Variants in FSTL5 observed in about 807,000 individuals in gnomAD.
FSTL5 encodes the protein follistatin like 5.
In FSTL5, 62 loss-of-function variants were observed where a neutral mutation model predicts 89.1. The observed-to-expected ratio is 0.70, with a 90% CI of 0.57 to 0.86. FSTL5 has a LOEUF of 0.86. Ranked by LOEUF, FSTL5 falls within the 40% of genes least tolerant of loss-of-function variation. The pLI is 0.00. For missense variants in FSTL5, 1,057 were observed against 1,001.6 expected (o/e 1.06, Z -0.75); for synonymous variants, 383 against 346.2 (o/e 1.11, Z -1.18).
intron 7 of FSTL5, among the ~76,000 whole-genome samples, chr4:161,639,476 TA>T (rs1735867541): frequency 1.3e-5 from 2 of 152,246 alleles, no homozygotes; most frequent in South Asian, 4.2e-4. Flanking sequence ...GAAGATAAGC[TA>T]CAAAAACATA....
intron 4 of FSTL5, among the ~76,000 whole-genome samples, chr4:161,779,803 A>ATG (rs1560841008): frequency 0.032 from 1,721 of 53,984 alleles, 103 homozygotes; most frequent in South Asian, 0.052. Context: ...ATATATATAT[A>ATG]TATATATGTA....
At chr4:161,810,257 G>A (rs1730096832) in intron 4 of FSTL5, among the ~76,000 whole-genome samples, 1 of 152,074 alleles carries the variant, frequency 6.6e-6, no homozygotes, top group African/African-American at 2.4e-5. Flanking sequence ...TAATATCTAT[G>A]AAGTATATAG....
At chr4:162,020,155 T>A (rs764213538) in intron 3 of FSTL5, among the ~76,000 whole-genome samples, 1 of 151,694 alleles carries the variant, frequency 6.6e-6, no homozygotes, top group Non-Finnish European at 1.5e-5. Flanking sequence ...AATGAAAAAA[T>A]ATATGATTAT....
chr4:162,065,439 T>C (rs1386608158), intron 2 of FSTL5, among the ~76,000 whole-genome samples: 5 of 151,844 alleles, frequency 3.3e-5, no homozygotes, highest in Admixed American at 3.3e-4. Context: ...AAATAGCCAA[T>C]AGATATATGA....
intron 6 of FSTL5, among the ~76,000 whole-genome samples, chr4:161,715,107 C>T (rs1384033089): frequency 6.6e-6 from 1 of 151,916 alleles, no homozygotes; most frequent in Non-Finnish European, 1.5e-5. Context: ...TGATGAGAAA[C>T]ACATGTTTTA....
In FSTL5 at chr4:161,721,681, T is replaced by G. The variant is rs112751763; in HGVS notation, c.727+37730A>C. ...TGCAAGGCATCCAGGGATCAAATTT[T>G]GAAAACCTTGACCTCATGGGCTAGG... On this transcript the variant is annotated intron_variant, in intron 6 of 15. Coordinates refer to ENST00000306100, the MANE Select transcript of FSTL5 (RefSeq NM_020116.5). Among the ~76,000 whole-genome samples, 1,150 of 152,286 alleles carry G rather than the reference T, an allele frequency of 7.6e-3. 13 individuals are homozygous for G. The highest frequency in any genetic ancestry group is 0.025 in the African/African-American group (1,048 of 41,552).
intron 6 of FSTL5, among the ~76,000 whole-genome samples, chr4:161,674,325 G>A (rs571848525): frequency 6.6e-6 from 1 of 151,596 alleles, no homozygotes; most frequent in Non-Finnish European, 1.5e-5. Flanking sequence ...AGAAATGAGG[G>A]GGAAAAAAAG....
chr4:161,389,980 A>G (rs928115026), intron 15 of FSTL5, among the ~76,000 whole-genome samples: 9 of 152,188 alleles, frequency 5.9e-5, no homozygotes, highest in African/African-American at 1.7e-4. Flanking sequence ...CTTTCCATTC[A>G]TGTATATTAG....
chr4:162,083,490 T>C (rs1291813196), intron 2 of FSTL5, among the ~76,000 whole-genome samples: 1 of 151,644 alleles, frequency 6.6e-6, no homozygotes, highest in Non-Finnish European at 1.5e-5. Flanking sequence ...CGTTTTTCAT[T>C]AAAAAAGTTT....
rs118122742 is a variant in FSTL5 at position 162,063,224 on chromosome 4, T to G, written c.127-29566A>C. 1.8e-4 allele frequency among the ~76,000 whole-genome samples: 27 copies of G among 152,002 alleles called. No homozygotes were observed. The East Asian group carries it at 5.0e-3, about 28-fold the overall frequency. Reference sequence around the variant, plus strand: ...CCCTCTTCCCCTTTTTTCTCATCTGTGAAATTCTAAACTATTTTTGAAGTA... The same window carrying G: ...CCCTCTTCCCCTTTTTTCTCATCTGGGAAATTCTAAACTATTTTTGAAGTA... On this transcript the variant is annotated intron_variant, in intron 2 of 15. Coordinates refer to ENST00000306100, the MANE Select transcript of FSTL5 (RefSeq NM_020116.5).
intron 4 of FSTL5, among the ~76,000 whole-genome samples, chr4:161,909,932 T>C (rs919709327): frequency 6.6e-6 from 1 of 152,172 alleles, no homozygotes; most frequent in African/African-American, 2.4e-5. Flanking sequence ...ATTGAATATA[T>C]GTGTGTAGTT....
At chr4:161,630,856 C>G (rs534182684) in intron 7 of FSTL5, among the ~76,000 whole-genome samples, 2 of 152,200 alleles carry the variant, frequency 1.3e-5, no homozygotes, top group Non-Finnish European at 2.9e-5. Flanking sequence ...TTGTCCTCAT[C>G]TGTTGACAGA....
At chr4:161,569,811 G>T (rs907075575) in intron 8 of FSTL5, among the ~76,000 whole-genome samples, 1 of 150,220 alleles carries the variant, frequency 6.7e-6, no homozygotes, top group African/African-American at 2.5e-5. Context: ...CCCACATTGT[G>T]GCTCTAAGGA....
intron 6 of FSTL5, among the ~76,000 whole-genome samples, chr4:161,658,084 C>T (rs745703305): frequency 2.0e-5 from 3 of 152,154 alleles, no homozygotes; most frequent in African/African-American, 7.2e-5. Context: ...GGATAACAAA[C>T]ATCTTGTCCA....
intron 1 of FSTL5, among the ~76,000 whole-genome samples, chr4:162,155,448 G>A (rs78293888): frequency 0.14 from 20,971 of 152,178 alleles, 1,966 homozygotes; most frequent in Non-Finnish European, 0.19. Context: ...CTGATCAGAG[G>A]AGCCAGCTCA....
intron 3 of FSTL5, among the ~76,000 whole-genome samples, chr4:161,987,479 T>C (rs1735997244): frequency 7.0e-6 from 1 of 143,428 alleles, no homozygotes; most frequent in Admixed American, 6.9e-5. Flanking sequence ...TGTATATATA[T>C]ATATATACAT....
intron 6 of FSTL5, among the ~76,000 whole-genome samples, chr4:161,730,495 C>T (rs192372780): frequency 1.4e-4 from 22 of 152,042 alleles, no homozygotes; most frequent in Admixed American, 1.4e-3. Flanking sequence ...TTACTATATA[C>T]TTTAATGCTG....
intron 6 of FSTL5, among the ~76,000 whole-genome samples, chr4:161,673,076 A>G (rs907966157): frequency 1.3e-5 from 2 of 150,838 alleles, no homozygotes; most frequent in African/African-American, 2.4e-5. Context: ...AAAACAAAGA[A>G]GACATGTGAA....
chr4:161,502,624 T>C (rs187827992), intron 11 of FSTL5, among the ~76,000 whole-genome samples: 4 of 152,022 alleles, frequency 2.6e-5, no homozygotes, highest in Admixed American at 6.6e-5. Flanking sequence ...CTACCTTTAA[T>C]GGTCTCTGCG....
Sources: gnomAD v4.1 joint callset for allele counts (sites outside exome capture counted in the v4.1 genomes callset) on GRCh38, gnomAD v4.1.1 for gene constraint, MANE v1.5 for transcripts, NCBI Gene and HGNC (gene_info 2026-07-23, HGNC 2026-07-21) for gene names.